MPG: variants seen among roughly 807,000 people sequenced by gnomAD.
The protein encoded by MPG is N-methylpurine DNA glycosylase, also known as DNA-3-methyladenine glycosylase.
Under a neutral mutation model 31.7 loss-of-function variants are expected in MPG, and 33 were observed. The observed-to-expected ratio is 1.04, with a 90% CI of 0.79 to 1.39. MPG has a LOEUF of 1.39. MPG is among the 40% of genes most tolerant of loss of function. MPG has a pLI of 0.00. For synonymous variants in MPG, 202 were observed against 169.2 expected (o/e 1.19, Z -1.51); for missense variants, 455 against 415.5 (o/e 1.10, Z -0.83).
At chr16:79,373 C>A in intron 1 of MPG, 52 bp from the exon 2 acceptor site, 2 of 1,613,960 alleles carry the variant, frequency 1.2e-6, no homozygotes, top group Non-Finnish European at 1.7e-6. Flanking sequence ...CCTGACCTTA[C>A]CACACAGCTG....
At chr16:84,301 C>T (rs1253081135) in intron 3 of MPG, 1 of 152,268 alleles carries the variant, frequency 6.6e-6, no homozygotes, top group Non-Finnish European at 1.5e-5. Flanking sequence ...TCTTGAAATA[C>T]TTTTGACAGC....
At chr16:80,454 G>T (rs3176401) in intron 2 of MPG, among the ~76,000 whole-genome samples, 1 of 152,178 alleles carries the variant, frequency 6.6e-6, no homozygotes, top group Non-Finnish European at 1.5e-5. Flanking sequence ...ATGTGGGCTC[G>T]ACCTCATGGA....
Position 85,722 on chromosome 16 carries a change from G to A in MPG, c.827G>A (p.Gly276Asp). ...ARKPLRFYVRGSPWVSVVDRV... is the reference protein window; with the variant it reads ...ARKPLRFYVRDSPWVSVVDRV... ...AAACCCCTCCGCTTCTATGTCCGGG[G>A]CAGCCCCTGGGTCAGTGTGGTCGAC... The change falls in exon 4 of 4, where the codon GGC becomes GAC. Residue 276 changes from glycine to aspartate, a missense_variant. Gly to Asp is a moderately conservative substitution (Grantham distance 94). Coordinates refer to ENST00000356432, the MANE Select transcript of MPG (RefSeq NM_001015052.3). The A allele has an allele frequency of 6.5e-7, 1 of 1,531,702 alleles. No individual in the cohort carries two copies. Among genetic ancestry groups the A allele is most frequent in the Non-Finnish European group, 8.8e-7 (1 of 1,136,674 alleles). 94.9% of individuals were successfully genotyped at this position (1,531,702 alleles called of 1,614,324 possible).
intron 3 of MPG, chr16:84,175 C>G (rs999731133): frequency 6.6e-6 from 1 of 152,200 alleles, no homozygotes; most frequent in African/African-American, 2.4e-5. Context: ...GGGTCCTGCT[C>G]CTCCCTACTG....
chr16:79,022 T>G (rs1898166196), intron 1 of MPG: 2 of 1,416,636 alleles, frequency 1.4e-6, no homozygotes, highest in East Asian at 5.2e-5. Context: ...AAGGGTTGGA[T>G]GAAAGGGCAG....
At chr16:78,361 G>T in intron 1 of MPG, 28 bp downstream of exon 1, 2 of 1,213,114 alleles carry the variant, frequency 1.6e-6, no homozygotes, top group East Asian at 3.5e-5. Flanking sequence ...CCGCCCCGCG[G>T]AACAGACGCG....
upstream of MPG, chr16:77,118 CT>C: frequency 6.6e-6 from 1 of 152,454 alleles, no homozygotes; most frequent in Non-Finnish European, 1.5e-5. Context: ...TCTTCAAGGC[CT>C]TTTCAGGTGC....
In MPG at chr16:85,566, A is replaced by G. The variant is rs916673769; in HGVS notation, c.671A>G (p.Lys224Arg). The change falls in exon 4 of 4, where the codon AAG becomes AGG. Residue 224 changes from lysine to arginine, a missense_variant. Transcript: ENST00000356432. ...SKLCQALAIN[K>R]SFDQRDLAQD... ...CTGTGCCAGGCCCTGGCCATCAACA[A>G]GAGCTTTGACCAGAGGGACCTGGCA... 1.2e-6 allele frequency: 2 copies of G among 1,613,360 alleles called. No homozygotes were observed. The highest frequency in any genetic ancestry group is 3.3e-5 in the Admixed American group (2 of 60,012).
chr16:83,019 T>C (rs374992665), intron 2 of MPG, 33 bp from the exon 3 acceptor site: 364 of 1,496,750 alleles, frequency 2.4e-4, no homozygotes, highest in Non-Finnish European at 3.2e-4. Context: ...CCCCCATCCC[T>C]TCCCGCCCTG....
intron 3 of MPG, among the ~76,000 whole-genome samples, chr16:83,662 A>G (rs1246438016): frequency 6.7e-6 from 1 of 149,388 alleles, no homozygotes; most frequent in Non-Finnish European, 1.5e-5. Flanking sequence ...AATCGCTTGA[A>G]CCCGGGAGGC....
upstream of MPG, among the ~76,000 whole-genome samples, chr16:77,861 G>A (rs1464959792): frequency 6.6e-6 from 1 of 151,636 alleles, no homozygotes; most frequent in African/African-American, 2.4e-5. Context: ...CACTCCGCCC[G>A]GGCCCCTCGA....
rs752847667 is a variant in MPG at position 79,599 on chromosome 16, CGCA to C, written c.203_205del (p.Ser68del). 3.1e-6 allele frequency: 5 copies of C among 1,607,414 alleles called. No homozygotes were observed. The South Asian group carries it at 3.3e-5, about 11-fold the overall frequency. ...ACCGCCCACCACTCCGGGCCCATACCGCAGCATCTATTTCTCAAGCCCAAAGGG... is the reference window on the plus strand; with the variant it reads ...ACCGCCCACCACTCCGGGCCCATACCGCATCTATTTCTCAAGCCCAAAGGG... On this transcript the variant is annotated inframe_deletion, in exon 2 of 4. Coordinates refer to ENST00000356432, the MANE Select transcript of MPG (RefSeq NM_001015052.3).
Position 85,705 on chromosome 16 carries a change from C to G in MPG, c.810C>G (p.Leu270=), listed in dbSNP as rs771910964. ...GHAGEWARKP[L]RFYVRGSPWV... ...CAGGGGAGTGGGCCCGGAAACCCCT[C>G]CGCTTCTATGTCCGGGGCAGCCCCT... Residue 270 remains leucine (L), a synonymous_variant, in exon 4 of 4, where the codon CTC becomes CTG. Transcript: ENST00000356432. 1 of 1,540,540 alleles carries G rather than the reference C, an allele frequency of 6.5e-7. No homozygotes were observed. Among genetic ancestry groups the G allele is most frequent in the Non-Finnish European group, 8.8e-7 (1 of 1,140,474 alleles).
upstream of MPG, among the ~76,000 whole-genome samples, chr16:77,560 G>A (rs904391430): frequency 6.6e-6 from 1 of 152,238 alleles, no homozygotes; most frequent in Non-Finnish European, 1.5e-5. Context: ...CGCTCCAGCA[G>A]GCCCAACCCA....
At position 78,268 on chromosome 16, in the gene MPG, G is replaced by C; in HGVS notation, c.-42G>C. On this transcript the variant is annotated 5_prime_UTR_variant, in exon 1 of 4. Coordinates refer to ENST00000356432, the MANE Select transcript of MPG (RefSeq NM_001015052.3). The stretch of plus-strand genomic sequence containing the variant: ...GTGGTCGGCGGCTGCTGGGCTCCGC[G>C]CCGGGGTCCGAGTCCCACGAAGCCC... The C allele has an allele frequency of 1.5e-6, 2 of 1,369,386 alleles. No homozygotes were observed. Among genetic ancestry groups the C allele is most frequent in the South Asian group, 1.6e-5 (1 of 64,390 alleles). 84.8% of individuals were successfully genotyped at this position (1,369,386 alleles called of 1,614,324 possible).
intron 2 of MPG, among the ~76,000 whole-genome samples, chr16:80,875 G>A (rs765811274): frequency 3.9e-5 from 6 of 152,304 alleles, no homozygotes; most frequent in South Asian, 2.1e-4. Context: ...CAGGTGCGTC[G>A]TAGGAACAGG....
chr16:81,648 C>T, intron 2 of MPG, among the ~76,000 whole-genome samples: 1 of 142,490 alleles, frequency 7.0e-6, no homozygotes, highest in African/African-American at 3.0e-5. Context: ...TTCTTCCCAC[C>T]ACCCTATCTC....
At chr16:82,807 G>C (rs1027468687) in intron 2 of MPG, among the ~76,000 whole-genome samples, 1 of 152,230 alleles carries the variant, frequency 6.6e-6, no homozygotes. Context: ...GCTGTGGCCT[G>C]AGGTATCTTC....
chr16:85,651 G>A lies in MPG; in HGVS notation c.756G>A (p.Val252=), dbSNP rs769489753. 20 of 1,590,294 alleles carry A rather than the reference G, an allele frequency of 1.3e-5. No homozygotes were observed. Among genetic ancestry groups the A allele is most frequent in the Non-Finnish European group, 1.5e-5 (18 of 1,164,034 alleles). ...TGGAGCCCAGTGAGCCGGCTGTAGT[G>A]GCAGCAGCCCGGGTGGGCGTCGGCC... ...GPLEPSEPAV[V]AAARVGVGHA... is the part of the protein sequence containing the mutation. Residue 252 remains valine, a synonymous_variant, in exon 4 of 4, where the codon GTG becomes GTA. Coordinates refer to ENST00000356432, the MANE Select transcript of MPG (RefSeq NM_001015052.3).
Sources: allele counts gnomAD v4.1 joint callset (sites outside exome capture counted in the v4.1 genomes callset), GRCh38; gene constraint gnomAD v4.1.1; transcripts MANE v1.5; gene names NCBI Gene and HGNC (gene_info 2026-07-23, HGNC 2026-07-21).